The following DNAH9 variants were observed in gnomAD, a reference collection of about 807,000 sequenced individuals.
DNAH9 encodes DNAH9 variant protein.
Under a neutral mutation model 471.6 loss-of-function variants are expected in DNAH9, and 345 were observed. That is an observed-to-expected ratio of 0.73 (90% CI 0.67 to 0.80). The LOEUF (loss-of-function observed/expected upper bound fraction) is 0.80. Among genes scored for constraint, DNAH9 ranks in the 30% least tolerant of loss-of-function variants. The pLI is 0.00. For missense variants in DNAH9, 5,407 were observed against 5,609.2 expected, an observed-to-expected ratio of 0.96 and a Z score of 1.15; for synonymous variants, 2,093 against 2,123.6, an observed-to-expected ratio of 0.99 and a Z score of 0.40.
chr17:11,676,333 A>C (rs1244896222), intron 17 of DNAH9, among the ~76,000 whole-genome samples: 4 of 130,218 alleles, frequency 3.1e-5, no homozygotes, highest in Non-Finnish European at 6.1e-5. Flanking sequence ...CCCAGGCCGC[A>C]GTGCAATGGC....
At chr17:11,824,914 C>T (rs1043537126) in intron 48 of DNAH9, among the ~76,000 whole-genome samples, 2 of 151,940 alleles carry the variant, frequency 1.3e-5, no homozygotes, top group African/African-American at 4.8e-5. Context: ...CTTCCTCCTC[C>T]TCCTCCTCCC....
chr17:11,851,886 G>A (rs1449593640), intron 49 of DNAH9, among the ~76,000 whole-genome samples: 4 of 152,036 alleles, frequency 2.6e-5, no homozygotes, highest in Admixed American at 6.5e-5. Context: ...TGGAAACATC[G>A]ACCGTGATAT....
chr17:11,645,517 A>G (rs968341078), intron 11 of DNAH9, among the ~76,000 whole-genome samples: 1 of 152,132 alleles, frequency 6.6e-6, no homozygotes, highest in African/African-American at 2.4e-5. Context: ...TAATGTCACC[A>G]TAGCCACCAC....
intron 49 of DNAH9, among the ~76,000 whole-genome samples, chr17:11,837,624 C>G (rs1312757949): frequency 6.6e-6 from 1 of 152,216 alleles, no homozygotes; most frequent in Non-Finnish European, 1.5e-5. Flanking sequence ...CTGTCTTTGT[C>G]CGTTACAGCA....
At chr17:11,964,659 C>T (rs77213128) in intron 68 of DNAH9, among the ~76,000 whole-genome samples, 1,641 of 152,246 alleles carry the variant, frequency 0.011, 33 homozygotes, top group African/African-American at 0.038. Context: ...GAAGTGTTTA[C>T]TCAAGCAAAA....
In DNAH9 at chr17:11,745,000, G is replaced by GA; in HGVS notation, c.6316dup (p.Arg2106LysfsTer11). On this transcript the variant is annotated frameshift_variant, in exon 31 of 69. Transcript: ENST00000262442. LOFTEE classifies it high-confidence loss of function. ...TCTTTCCCGCCCTGGATGTCCCCCG[G>GA]AGGAGAGACCCCAACTTCGAAGCTT... 13 of 1,614,124 alleles carry GA rather than the reference G, an allele frequency of 8.1e-6. No homozygotes were observed. Among genetic ancestry groups the GA allele is most frequent in the Non-Finnish European group, 1.1e-5 (13 of 1,179,988 alleles).
chr17:11,770,349 G>A (rs1384213348), intron 38 of DNAH9, among the ~76,000 whole-genome samples: 2 of 152,176 alleles, frequency 1.3e-5, no homozygotes, highest in African/African-American at 4.8e-5. Context: ...TGCCTCTGCT[G>A]ACACTCTGCT....
In DNAH9 at chr17:11,769,119, C is replaced by A; in HGVS notation, c.7345-3C>A. On this transcript the variant is annotated splice_polypyrimidine_tract_variant and splice_region_variant and intron_variant, in intron 37 of 68. Coordinates refer to ENST00000262442, the MANE Select transcript of DNAH9 (RefSeq NM_001372.4). ...TGGCAGGCTTATTGTGCTCCCATTC[C>A]AGGCGTGTTTGGTGCACACGAGTGA... 1.2e-6 allele frequency: 2 copies of A among 1,614,144 alleles called. No individual in the cohort carries two copies. The highest frequency in any genetic ancestry group is 1.7e-6 in the Non-Finnish European group (2 of 1,180,008).
intron 32 of DNAH9, among the ~76,000 whole-genome samples, chr17:11,750,669 C>G (rs1212836785): frequency 6.6e-6 from 1 of 152,154 alleles, no homozygotes; most frequent in Non-Finnish European, 1.5e-5. Flanking sequence ...GAAATGCTCT[C>G]TTAATTCCTG....
intron 67 of DNAH9, among the ~76,000 whole-genome samples, chr17:11,952,470 A>G (rs1849268068): frequency 2.8e-5 from 4 of 143,332 alleles, no homozygotes; most frequent in African/African-American, 1.0e-4. Flanking sequence ...TCAATTTTTA[A>G]TTTTATAATT....
intron 50 of DNAH9, among the ~76,000 whole-genome samples, chr17:11,866,355 G>A (rs1229987427): frequency 2.6e-5 from 4 of 152,184 alleles, no homozygotes; most frequent in East Asian, 1.9e-4. Context: ...CGCGAATGCT[G>A]CTGTCTGATT....
chr17:11,690,636 A>C (rs1280278945), intron 20 of DNAH9, among the ~76,000 whole-genome samples, 200 bp downstream of exon 20: 1 of 152,014 alleles, frequency 6.6e-6, no homozygotes, highest in African/African-American at 2.4e-5. Context: ...AATGCACACC[A>C]ATCAGTTTGT....
At chr17:11,603,595 C>T (rs562251345) in intron 1 of DNAH9, among the ~76,000 whole-genome samples, 1 of 152,300 alleles carries the variant, frequency 6.6e-6, no homozygotes, top group South Asian at 2.1e-4. Flanking sequence ...TTCCTCTTCT[C>T]CCCTGCATTC....
In DNAH9 at chr17:11,654,355, CAAAAAAAA is replaced by C. The variant is rs527835262; in HGVS notation, c.2595+1369_2595+1376del. 6.2e-4 allele frequency among the ~76,000 whole-genome samples: 7 copies of C among 11,262 alleles called. 2 individuals carry two copies. The highest frequency in any genetic ancestry group is 2.4e-3 in the Non-Finnish European group (3 of 1,232). The allele number at this position is 11,262 out of a possible 152,430, so 7.4% of individuals were successfully genotyped here. ...TGGGCCACAGAGCGAGACTCCGTCT[CAAAAAAAA>C]AAAAAAAAAAAAAAAGTTTAAAATC... On this transcript the variant is annotated intron_variant, in intron 14 of 68. Transcript: ENST00000262442.
Position 11,807,840 on chromosome 17 carries a change from C to T in DNAH9, c.8529C>T (p.Ser2843=). The T allele has an allele frequency of 6.2e-7, 1 of 1,614,048 alleles. No individual in the cohort carries two copies. The highest frequency in any genetic ancestry group is 8.5e-7 in the Non-Finnish European group (1 of 1,179,944). ...CAAGGCTGGCAGCTTTCATCAGCTCCATGGATGTCTTCCAGATCACACTGC... is the reference window on the plus strand; with the variant it reads ...CAAGGCTGGCAGCTTTCATCAGCTCTATGGATGTCTTCCAGATCACACTGC... ...SLTRLAAFIS[S]MDVFQITLRK... Residue 2843 remains serine, a synonymous_variant, in exon 44 of 69, where the codon TCC becomes TCT. Coordinates refer to ENST00000262442, the MANE Select transcript of DNAH9 (RefSeq NM_001372.4).
At chr17:11,766,008 G>A (rs1271024955) in intron 36 of DNAH9, among the ~76,000 whole-genome samples, 8 of 152,164 alleles carry the variant, frequency 5.3e-5, no homozygotes, top group African/African-American at 1.2e-4. Context: ...TAAAAGCCCC[G>A]GAGAAAGCAT....
At chr17:11,905,030 G>A (rs569292938) in intron 60 of DNAH9, among the ~76,000 whole-genome samples, 16 of 151,970 alleles carry the variant, frequency 1.1e-4, no homozygotes, top group African/African-American at 3.4e-4. Flanking sequence ...TCAGGAGATC[G>A]AGACCATCCT....
intron 19 of DNAH9, among the ~76,000 whole-genome samples, chr17:11,687,941 C>T (rs1026996757): frequency 6.6e-6 from 1 of 151,668 alleles, no homozygotes; most frequent in Non-Finnish European, 1.5e-5. Context: ...GGAGACCATC[C>T]TGGCCAACAT....
chr17:11,848,499 A>G (rs1165509568), intron 49 of DNAH9, among the ~76,000 whole-genome samples: 1 of 151,746 alleles, frequency 6.6e-6, no homozygotes, highest in Non-Finnish European at 1.5e-5. Flanking sequence ...TTTCTGAGAA[A>G]TAATAATTAT....
Sources: allele counts gnomAD v4.1 joint callset (sites outside exome capture counted in the v4.1 genomes callset), GRCh38; gene constraint gnomAD v4.1.1; transcripts MANE v1.5; gene names NCBI Gene and HGNC (gene_info 2026-07-23, HGNC 2026-07-21).